The following UGT1A8 variants were observed in gnomAD, a reference collection of about 807,000 sequenced individuals.
UGT1A8 encodes UDP glucuronosyltransferase family 1 member A8, also known as UDP-glucuronosyltransferase 1A8.
Under a neutral mutation model 45.3 loss-of-function variants are expected in UGT1A8, and 39 were observed. The ratio of observed to expected loss-of-function variants is 0.86; its 90% CI spans 0.67 to 1.12. UGT1A8 has a LOEUF of 1.12. UGT1A8 is among the 50% of genes most tolerant of loss of function. The pLI is 0.00. For missense variants in UGT1A8, 719 were observed against 664.9 expected (o/e 1.08, Z -0.90); for synonymous variants, 275 against 249.2 (o/e 1.10, Z -0.97).
At chr2:233,674,318 G>C (rs1186296242) in intron 1 of UGT1A8, among the ~76,000 whole-genome samples, 3 of 152,180 alleles carry the variant, frequency 2.0e-5, no homozygotes, top group Non-Finnish European at 2.9e-5. Flanking sequence ...CACAAGACTA[G>C]GCTAGGAGAT....
intron 1 of UGT1A8, among the ~76,000 whole-genome samples, chr2:233,674,569 A>G (rs991310084): frequency 6.6e-6 from 1 of 152,224 alleles, no homozygotes; most frequent in Non-Finnish European, 1.5e-5. Context: ...ATGATTTTAT[A>G]TCACCTATGA....
intron 1 of UGT1A8, among the ~76,000 whole-genome samples, chr2:233,666,528 A>G (rs2074078187): frequency 6.6e-6 from 1 of 152,184 alleles, no homozygotes; most frequent in African/African-American, 2.4e-5. Flanking sequence ...GCTCATTAAA[A>G]AACATTTTTT....
chr2:233,682,354 G>A, intron 1 of UGT1A8: 1 of 1,614,054 alleles, frequency 6.2e-7, no homozygotes, highest in Non-Finnish European at 8.5e-7. Context: ...ACTTAAAGGA[G>A]AGTTGTTTTG....
intron 1 of UGT1A8, among the ~76,000 whole-genome samples, chr2:233,720,687 C>A (rs1440399782): frequency 1.3e-5 from 2 of 151,626 alleles, no homozygotes; most frequent in Non-Finnish European, 2.9e-5. Flanking sequence ...GTTTCTAAAT[C>A]CATTAAGGGA....
At chr2:233,719,420 C>T in intron 1 of UGT1A8, 1 of 1,613,820 alleles carries the variant, frequency 6.2e-7, no homozygotes, top group Non-Finnish European at 8.5e-7. Flanking sequence ...TACTAACGAC[C>T]AATTCAGACC....
intron 1 of UGT1A8, among the ~76,000 whole-genome samples, chr2:233,707,211 T>C (rs1292471081): frequency 6.6e-6 from 1 of 151,794 alleles, no homozygotes; most frequent in East Asian, 1.9e-4. Flanking sequence ...CCTTTCCATC[T>C]TTTCTCTGAC....
chr2:233,703,623 A>G (rs971419839), intron 1 of UGT1A8, among the ~76,000 whole-genome samples: 1 of 151,992 alleles, frequency 6.6e-6, no homozygotes, highest in Non-Finnish European at 1.5e-5. Flanking sequence ...AGTCTATTTT[A>G]TCTGATATTA....
chr2:233,739,854 G>A (rs1377915953), intron 1 of UGT1A8, among the ~76,000 whole-genome samples: 3 of 151,892 alleles, frequency 2.0e-5, no homozygotes, highest in Non-Finnish European at 4.4e-5. Context: ...ATGGGCCAGA[G>A]GGCAGAATGA....
chr2:233,772,420 C>T lies in UGT1A8; in HGVS notation c.1454C>T (p.Ser485Phe), dbSNP rs72551360. ...GACCTCACCTGGTACCAGTACCATT[C>T]CTTGGACGTGATTGGTTTCCTCTTG... ...AHDLTWYQYHSLDVIGFLLAV... is the reference protein window; with the variant it reads ...AHDLTWYQYHFLDVIGFLLAV... Residue 485 changes from serine (S) to phenylalanine (F), a missense_variant, in exon 5 of 5, where the codon TCC becomes TTC. By Grantham distance (155) the Ser-to-Phe change is radical. Coordinates refer to ENST00000373450, the MANE Select transcript of UGT1A8 (RefSeq NM_019076.5). The T allele has an allele frequency of 2.3e-5, 37 of 1,614,120 alleles. No homozygotes were observed. Among genetic ancestry groups the T allele is most frequent in the African/African-American group, 8.0e-5 (6 of 74,942 alleles).
intron 1 of UGT1A8, among the ~76,000 whole-genome samples, chr2:233,675,531 C>A (rs2074326547): frequency 6.6e-6 from 1 of 152,134 alleles, no homozygotes; most frequent in African/African-American, 2.4e-5. Context: ...TGCTTCCCCC[C>A]TTGCTGTAAG....
intron 1 of UGT1A8, among the ~76,000 whole-genome samples, chr2:233,694,084 TAGG>T (rs751212149): frequency 1.3e-5 from 2 of 151,696 alleles, no homozygotes; most frequent in Non-Finnish European, 2.9e-5. Flanking sequence ...TTGGCAAGAG[TAGG>T]AGATTTGCTT....
At chr2:233,742,512 C>T (rs924249262) in intron 1 of UGT1A8, among the ~76,000 whole-genome samples, 15 of 151,990 alleles carry the variant, frequency 9.9e-5, no homozygotes, top group African/African-American at 3.6e-4. Context: ...ATCATGAACA[C>T]GTCACAGTGC....
At chr2:233,716,242 C>G (rs116835228) in intron 1 of UGT1A8, among the ~76,000 whole-genome samples, 2 of 152,158 alleles carry the variant, frequency 1.3e-5, no homozygotes, top group Non-Finnish European at 2.9e-5. Flanking sequence ...TTGTCCTGCC[C>G]GGACATCCAG....
chr2:233,713,220 C>G, intron 1 of UGT1A8: 1 of 1,614,254 alleles, frequency 6.2e-7, no homozygotes, highest in Non-Finnish European at 8.5e-7. Flanking sequence ...CTTTTTCACC[C>G]TGACAACGTA....
chr2:233,721,672 C>T, intron 1 of UGT1A8: 1 of 278,988 alleles, frequency 3.6e-6, no homozygotes, highest in South Asian at 3.5e-5. Context: ...AGGGTTAATC[C>T]AATAATGAGC....
intron 1 of UGT1A8, chr2:233,747,341 C>T: frequency 6.2e-7 from 1 of 1,603,526 alleles, no homozygotes; most frequent in Non-Finnish European, 8.5e-7. Flanking sequence ...CACTGGCTCG[C>T]ATGCGGGAGG....
chr2:233,751,728 CCTCT>C (rs1694798514), intron 1 of UGT1A8, among the ~76,000 whole-genome samples: 2 of 152,164 alleles, frequency 1.3e-5, no homozygotes, highest in South Asian at 2.1e-4. Flanking sequence ...GTGAACTCTT[CCTCT>C]CTGTTTCTCT....
At chr2:233,660,426 A>G (rs1407113692) in intron 1 of UGT1A8, among the ~76,000 whole-genome samples, 4 of 152,166 alleles carry the variant, frequency 2.6e-5, no homozygotes, top group South Asian at 2.1e-4. Flanking sequence ...GCATTGTCCA[A>G]TATCAAAAGT....
intron 1 of UGT1A8, among the ~76,000 whole-genome samples, chr2:233,650,260 G>A (rs920239148): frequency 1.4e-4 from 21 of 152,174 alleles, no homozygotes; most frequent in Non-Finnish European, 2.8e-4. Context: ...GTGAGCCACC[G>A]TACCTGGCCA....
Sources: gnomAD v4.1 joint callset for allele counts (sites outside exome capture counted in the v4.1 genomes callset) on GRCh38, gnomAD v4.1.1 for gene constraint, MANE v1.5 for transcripts, NCBI Gene and HGNC (gene_info 2026-07-23, HGNC 2026-07-21) for gene names.